Variants in XRN1 observed in about 807,000 individuals in gnomAD.
XRN1 encodes strand-exchange protein 1 homolog.
A neutral mutation model predicts 222.3 loss-of-function variants in XRN1; 67 were observed. The observed-to-expected ratio is 0.30, with a 90% CI of 0.25 to 0.37. The LOEUF (loss-of-function observed/expected upper bound fraction) is 0.37. XRN1 is among the 10% of genes least tolerant of loss of function. The pLI is 1.00. For missense variants in XRN1, 1,707 were observed against 2,000.2 expected (o/e 0.85, Z 2.80); for synonymous variants, 643 against 652.4 (o/e 0.99, Z 0.22).
Position 142,397,396 on chromosome 3 carries a change from T to C in XRN1, c.2272A>G (p.Lys758Glu), listed in dbSNP as rs1577360797. ...TCTTTATCTCCAAGATGAACCACTTTAGATGGTGGGGCAGTTCTTCCTGAA... is the reference window on the plus strand; with the variant it reads ...TCTTTATCTCCAAGATGAACCACTTCAGATGGTGGGGCAGTTCTTCCTGAA... Reference protein sequence around the residue: ...LYSGRTAPPSKVVHLGDKEQS... With the variant: ...LYSGRTAPPSEVVHLGDKEQS... Residue 758 changes from lysine (K) to glutamate (E), a missense_variant, in exon 20 of 41, where the codon AAA becomes GAA. Physicochemically the swap from Lys to Glu is moderately conservative, Grantham distance 56 (BLOSUM62 1). Around this residue, in one of 2 missense-constraint regions of XRN1, gnomAD observed 1,234 missense variants for 1,518.2 expected, o/e 0.81. Coordinates refer to ENST00000392981, the MANE Select transcript of XRN1 (RefSeq NM_001282857.2). The C allele has an allele frequency of 1.2e-6, 2 of 1,610,372 alleles. No individual in the cohort carries two copies. The highest frequency in any genetic ancestry group is 2.2e-5 in the East Asian group (1 of 44,692).
intron 33 of XRN1, among the ~76,000 whole-genome samples, chr3:142,342,018 A>G (rs891045541): frequency 3.9e-5 from 6 of 152,200 alleles, no homozygotes; most frequent in African/African-American, 1.4e-4. Context: ...TCAGCATTGT[A>G]CTGACTTTCC....
At chr3:142,364,915 A>T in intron 29 of XRN1, 132 bp downstream of exon 29, 1 of 966,036 alleles carries the variant, frequency 1.0e-6, no homozygotes. Context: ...AAAAAAATTT[A>T]ACTAAAACAT....
At chr3:142,314,835 G>T (rs2107851103) in intron 39 of XRN1, among the ~76,000 whole-genome samples, 1 of 136,300 alleles carries the variant, frequency 7.3e-6, no homozygotes, top group East Asian at 2.3e-4. Flanking sequence ...GCCCAAGGAG[G>T]TTGAGGCTGC....
intron 15 of XRN1, among the ~76,000 whole-genome samples, chr3:142,409,625 T>C (rs1485205679): frequency 1.3e-5 from 2 of 152,204 alleles, no homozygotes; most frequent in African/African-American, 4.8e-5. Context: ...GTTCTTTATA[T>C]GGATTGTTTT....
chr3:142,436,126 A>C (rs1196113073), intron 1 of XRN1: 1 of 152,152 alleles, frequency 6.6e-6, no homozygotes, highest in African/African-American at 2.4e-5. Flanking sequence ...AGAAATGAAT[A>C]AACAAAAAAG....
chr3:142,388,645 T>C (rs2067600616), intron 20 of XRN1, among the ~76,000 whole-genome samples: 1 of 152,224 alleles, frequency 6.6e-6, no homozygotes, highest in Non-Finnish European at 1.5e-5. Flanking sequence ...GCTGACGCAA[T>C]TTTTGAAAAT....
At chr3:142,420,178 ATT>A (rs1005536918) in intron 10 of XRN1, 1 of 151,462 alleles carries the variant, frequency 6.6e-6, no homozygotes, top group Non-Finnish European at 1.5e-5. Flanking sequence ...TAAAATAACA[ATT>A]TTTTTTTAAT....
intron 32 of XRN1, among the ~76,000 whole-genome samples, chr3:142,348,210 A>T (rs1405486085): frequency 2.0e-5 from 3 of 152,132 alleles, no homozygotes; most frequent in Non-Finnish European, 4.4e-5. Context: ...GTTTTAAAAA[A>T]TTTATCATTT....
intron 32 of XRN1, among the ~76,000 whole-genome samples, chr3:142,352,618 T>A (rs2066341399): frequency 6.6e-6 from 1 of 152,182 alleles, no homozygotes; most frequent in African/African-American, 2.4e-5. Flanking sequence ...AGGTACAGGC[T>A]ACTGGTTTAT....
chr3:142,317,128 G>T (rs150680373), intron 39 of XRN1, among the ~76,000 whole-genome samples: 1 of 152,196 alleles, frequency 6.6e-6, no homozygotes, highest in Non-Finnish European at 1.5e-5. Context: ...GAATCTCTTA[G>T]GACCACCTTT....
At chr3:142,409,509 G>C (rs552203614) in intron 15 of XRN1, among the ~76,000 whole-genome samples, 1 of 152,222 alleles carries the variant, frequency 6.6e-6, no homozygotes, top group Non-Finnish European at 1.5e-5. Context: ...GACTATTTCT[G>C]TTCCAATTTA....
In XRN1 at chr3:142,308,011, G is replaced by C. The variant is rs1403612236; in HGVS notation, c.*3500C>G. ...AGCAAGCTCATAAGGCTGAGAAATT[G>C]TACAGTTGCTTTAAAAAACTGTGCT... On this transcript the variant is annotated 3_prime_UTR_variant, in exon 41 of 41. Transcript: ENST00000392981. 1.3e-5 allele frequency: 2 copies of C among 152,178 alleles called. No homozygotes were observed. The highest frequency in any genetic ancestry group is 4.8e-5 in the African/African-American group (2 of 41,450). 9.4% of individuals were successfully genotyped at this position (152,178 alleles called of 1,614,324 possible).
chr3:142,400,721 C>A (rs1440008542), intron 18 of XRN1, among the ~76,000 whole-genome samples, 174 bp from the exon 19 acceptor site: 1 of 152,146 alleles, frequency 6.6e-6, no homozygotes, highest in Non-Finnish European at 1.5e-5. Context: ...GAGGTCAAGA[C>A]CAGCTTGGCA....
intron 1 of XRN1, among the ~76,000 whole-genome samples, chr3:142,439,750 T>TA (rs71153966): frequency 0.42 from 61,621 of 147,030 alleles, 12,436 homozygotes; most frequent in Middle Eastern, 0.48. Context: ...CAAACGGGAT[T>TA]AAAAAAAAAA....
In XRN1 at chr3:142,431,908, AT is replaced by A. The variant is rs1559879749; in HGVS notation, c.308+752del. On this transcript the variant is annotated intron_variant, in intron 2 of 40. Coordinates refer to ENST00000392981, the MANE Select transcript of XRN1 (RefSeq NM_001282857.2). ...ATTATATATAATATATATATTATAT[AT>A]ATAAATATATATAATATAATATATT... Among the ~76,000 whole-genome samples the A allele has an allele frequency of 8.3e-3, 424 of 51,372 alleles. 21 individuals carry two copies. The highest frequency in any genetic ancestry group is 0.036 in the African/African-American group (380 of 10,412). 33.7% of individuals were successfully genotyped at this position (51,372 alleles called of 152,430 possible).
chr3:142,348,235 T>C (rs1396171007), intron 32 of XRN1, among the ~76,000 whole-genome samples: 1 of 152,196 alleles, frequency 6.6e-6, no homozygotes. Context: ...CTCTACATTA[T>C]GAAAATTGAG....
rs1346164857 is a variant in XRN1 at position 142,423,615 on chromosome 3, C to T, written c.655G>A (p.Ala219Thr). ...TCTTCTCTTAAGAGAGAAAAATGTG[C>T]CTCATGACTTGTTAATCCAAGCATA... ...LIMLGLTSHE[A>T]HFSLLREEVR... The change falls in exon 6 of 41, where the codon GCA (alanine) becomes ACA (threonine). Residue 219 changes from alanine to threonine, a missense_variant. By Grantham distance (58) the Ala-to-Thr change is moderately conservative. Transcript: ENST00000392981. 2 of 1,594,146 alleles carry T rather than the reference C, an allele frequency of 1.3e-6. No individual in the cohort carries two copies. The highest frequency in any genetic ancestry group is 1.7e-6 in the Non-Finnish European group (2 of 1,172,430).
intron 24 of XRN1, 30 bp from the exon 25 acceptor site, chr3:142,375,974 G>GCACGTGCACA: frequency 1.4e-6 from 2 of 1,447,368 alleles, no homozygotes; most frequent in Middle Eastern, 1.9e-4. Flanking sequence ...GCGCACACGT[G>GCACGTGCACA]CACACACACA....
At chr3:142,381,948 T>C (rs367902919) in intron 22 of XRN1, among the ~76,000 whole-genome samples, 1 of 152,104 alleles carries the variant, frequency 6.6e-6, no homozygotes, top group Non-Finnish European at 1.5e-5. Context: ...AAAAAAACAG[T>C]TCCTTATTTT....
Sources: gnomAD v4.1 joint callset for allele counts (sites outside exome capture counted in the v4.1 genomes callset) on GRCh38, gnomAD v4.1.1 for gene constraint, gnomAD v4.1.1 regional missense constraint, MANE v1.5 for transcripts, NCBI Gene and HGNC (gene_info 2026-07-23, HGNC 2026-07-21) for gene names.